The following UST variants were observed in gnomAD, a reference collection of about 807,000 sequenced individuals.
UST encodes the protein uronyl 2-sulfotransferase, also known as chondroitin sulfate 2-O-sulfotransferase.
UST carries 21 observed loss-of-function variants against 45.6 expected under a neutral mutation model. The ratio of observed to expected loss-of-function variants is 0.46; its 90% confidence interval spans 0.33 to 0.66. The LOEUF (loss-of-function observed/expected upper bound fraction) is 0.66. Ranked by LOEUF, UST falls within the 30% of genes least tolerant of loss-of-function variation. The pLI is 0.02. For missense variants in UST, 463 were observed against 512.4 expected, an observed-to-expected ratio of 0.90 and a Z score of 0.93; for synonymous variants, 215 against 200.6, an observed-to-expected ratio of 1.07 and a Z score of -0.61.
chr6:148,818,802 A>G (rs1258908060), intron 1 of UST, among the ~76,000 whole-genome samples: 1 of 152,236 alleles, frequency 6.6e-6, no homozygotes, highest in Non-Finnish European at 1.5e-5. Flanking sequence ...ATACTTGTGA[A>G]CATTCATACC....
intron 1 of UST, among the ~76,000 whole-genome samples, chr6:148,881,432 T>C (rs1336645454): frequency 1.4e-4 from 22 of 152,258 alleles, no homozygotes; most frequent in Non-Finnish European, 2.9e-5. Flanking sequence ...ATAGGTTACT[T>C]TTCAGAAAAA....
At chr6:148,898,305 T>C (rs915508072) in intron 2 of UST, among the ~76,000 whole-genome samples, 4 of 152,202 alleles carry the variant, frequency 2.6e-5, no homozygotes, top group African/African-American at 4.8e-5. Context: ...CTGAGACCAC[T>C]GTATGCTATA....
chr6:148,963,839 A>T (rs1379529296), intron 4 of UST, among the ~76,000 whole-genome samples: 1 of 152,228 alleles, frequency 6.6e-6, no homozygotes, highest in Non-Finnish European at 1.5e-5. Flanking sequence ...CAAGCTGGTT[A>T]CATGAGGTAT....
chr6:149,039,771 G>A (rs966252492), intron 7 of UST, among the ~76,000 whole-genome samples: 1 of 152,214 alleles, frequency 6.6e-6, no homozygotes, highest in Non-Finnish European at 1.5e-5. Context: ...CCCCTTAAGG[G>A]AGGGCTTGCT....
intron 5 of UST, among the ~76,000 whole-genome samples, chr6:148,967,018 G>C (rs1406152480): frequency 6.6e-6 from 1 of 152,162 alleles, no homozygotes; most frequent in African/African-American, 2.4e-5. Flanking sequence ...GATTACAGGT[G>C]TGAGCCACCG....
intron 1 of UST, among the ~76,000 whole-genome samples, chr6:148,772,370 C>T (rs1776446271): frequency 6.6e-6 from 1 of 151,594 alleles, no homozygotes; most frequent in Admixed American, 6.6e-5. Flanking sequence ...TACTGAGCAG[C>T]CTGCTTGGGG....
intron 1 of UST, among the ~76,000 whole-genome samples, chr6:148,859,249 T>C (rs912436340): frequency 6.6e-6 from 1 of 152,272 alleles, no homozygotes; most frequent in Non-Finnish European, 1.5e-5. Context: ...CCAGTGATGA[T>C]GAGGATATTT....
intron 1 of UST, among the ~76,000 whole-genome samples, chr6:148,783,438 C>T (rs997558387): frequency 5.3e-5 from 8 of 152,154 alleles, no homozygotes; most frequent in African/African-American, 1.7e-4. Context: ...TAACAGAGCT[C>T]AAGTTTTAAT....
chr6:148,750,447 G>C (rs962887833), intron 1 of UST, among the ~76,000 whole-genome samples: 3 of 152,110 alleles, frequency 2.0e-5, no homozygotes, highest in African/African-American at 7.2e-5. Context: ...CAACACTGTC[G>C]GTAGGTTCTA....
intron 5 of UST, among the ~76,000 whole-genome samples, chr6:148,986,612 G>A (rs530379261): frequency 8.0e-4 from 122 of 152,284 alleles, no homozygotes; most frequent in African/African-American, 2.6e-3. Flanking sequence ...GGCATTTGCC[G>A]GTACACCACT....
At chr6:148,836,847 G>A (rs551231269) in intron 1 of UST, among the ~76,000 whole-genome samples, 4 of 152,132 alleles carry the variant, frequency 2.6e-5, no homozygotes, top group Non-Finnish European at 5.9e-5. Context: ...GAGAAAGCAG[G>A]ACATTTTCAG....
chr6:148,945,593 G>GA (rs1346309863), intron 3 of UST, among the ~76,000 whole-genome samples: 2 of 151,890 alleles, frequency 1.3e-5, no homozygotes, highest in South Asian at 2.1e-4. Context: ...GACATTGAAA[G>GA]AAAAAAAATA....
chr6:148,821,515 A>G (rs1777465654), intron 1 of UST, among the ~76,000 whole-genome samples: 1 of 152,242 alleles, frequency 6.6e-6, no homozygotes, highest in African/African-American at 2.4e-5. Context: ...CCAAGTTTCT[A>G]CATGATAAAT....
chr6:148,806,079 G>A (rs914381610), intron 1 of UST, among the ~76,000 whole-genome samples: 4 of 119,812 alleles, frequency 3.3e-5, no homozygotes, highest in Non-Finnish European at 5.4e-5. Flanking sequence ...TCAAAGGGAC[G>A]CTTTTTTTTT....
intron 7 of UST, among the ~76,000 whole-genome samples, chr6:149,038,552 T>G (rs933254005): frequency 6.6e-6 from 1 of 152,058 alleles, no homozygotes; most frequent in African/African-American, 2.4e-5. Flanking sequence ...ACCCATCAAT[T>G]CTAGTTTTCA....
intron 1 of UST, among the ~76,000 whole-genome samples, chr6:148,814,494 A>G (rs1184025113): frequency 6.6e-6 from 1 of 152,088 alleles, no homozygotes; most frequent in Non-Finnish European, 1.5e-5. Context: ...AAAAAAAATC[A>G]TGCCAAGAGG....
At chr6:148,875,594 G>A (rs967122886) in intron 1 of UST, among the ~76,000 whole-genome samples, 4 of 152,148 alleles carry the variant, frequency 2.6e-5, no homozygotes, top group African/African-American at 9.7e-5. Context: ...CCTGAGGTCA[G>A]GGAGTTCAAG....
At chr6:148,916,532 G>A (rs1486625624) in intron 2 of UST, among the ~76,000 whole-genome samples, 3 of 152,210 alleles carry the variant, frequency 2.0e-5, no homozygotes, top group South Asian at 2.1e-4. Context: ...CCTCTTTAGC[G>A]CCTCACTCAC....
intron 1 of UST, among the ~76,000 whole-genome samples, chr6:148,798,901 G>T (rs377117175): frequency 2.0e-5 from 3 of 150,986 alleles, no homozygotes; most frequent in East Asian, 3.9e-4. Context: ...ATGGAGTCTC[G>T]CTCTGTCACC....
Sources: allele counts gnomAD v4.1 joint callset (sites outside exome capture counted in the v4.1 genomes callset), GRCh38; gene constraint gnomAD v4.1.1; transcripts MANE v1.5; gene names NCBI Gene and HGNC (gene_info 2026-07-23, HGNC 2026-07-21).